The following SSBP3 variants were observed in gnomAD, a reference collection of about 807,000 sequenced individuals.
The protein encoded by SSBP3 is single-stranded DNA-binding protein 3.
Under a neutral mutation model 69.6 loss-of-function variants are expected in SSBP3, and 5 were observed. The observed-to-expected ratio is 0.07, with a 90% CI of 0.04 to 0.15. The LOEUF is 0.15. SSBP3 is among the 10% of genes least tolerant of loss of function. The pLI is 1.00. For missense variants in SSBP3, 312 were observed against 534.0 expected (o/e 0.58, Z 4.10); for synonymous variants, 196 against 193.4 (o/e 1.01, Z -0.11).
intron 4 of SSBP3, among the ~76,000 whole-genome samples, chr1:54,374,763 T>C (rs146668199): frequency 2.6e-4 from 40 of 152,170 alleles, no homozygotes; most frequent in African/African-American, 8.9e-4. Flanking sequence ...GAGTGTAAAA[T>C]GCAGACCCCA....
At chr1:54,307,214 C>T (rs536986511) in intron 4 of SSBP3, among the ~76,000 whole-genome samples, 1 of 152,106 alleles carries the variant, frequency 6.6e-6, no homozygotes, top group Non-Finnish European at 1.5e-5. Context: ...GCCACACCCC[C>T]ACTATGGTCA....
At position 54,332,935 on chromosome 1, in the gene SSBP3, C is replaced by T. The variant is rs554106638; in HGVS notation, c.277-51408G>A. 1.3e-3 allele frequency among the ~76,000 whole-genome samples: 194 copies of T among 152,072 alleles called. 3 individuals carry two copies. The highest frequency in any genetic ancestry group is 2.1e-3 in the South Asian group (10 of 4,828). ...ACATGCACGCACACACACGCGCGAG[C>T]ACACACACACGCGTGCGCCTCCTCC... is the stretch of plus-strand genomic sequence containing the variant. On this transcript the variant is annotated intron_variant, in intron 4 of 17. Coordinates refer to ENST00000610401, the Ensembl canonical transcript of SSBP3.
chr1:54,305,616 C>CT (rs1235739938), intron 4 of SSBP3, among the ~76,000 whole-genome samples: 1 of 123,702 alleles, frequency 8.1e-6, no homozygotes, highest in Non-Finnish European at 1.6e-5. Context: ...AGTTATTTTT[C>CT]TTTAAAAAAA....
chr1:54,402,229 G>C lies in SSBP3; in HGVS notation c.192-284C>G, dbSNP rs545944101. Among the ~76,000 whole-genome samples the C allele has an allele frequency of 2.0e-5, 3 of 152,292 alleles. No homozygotes were observed. In the East Asian group the frequency reaches 5.8e-4, roughly 29 times the overall value. On this transcript the variant is annotated intron_variant, in intron 3 of 17. Transcript: ENST00000610401. ...GTGTCTACCATATACTGTAAGGTAG[G>C]CAATTTTCTCTCCACTTTACACAGG...
intron 4 of SSBP3, among the ~76,000 whole-genome samples, chr1:54,392,315 C>T (rs558103009): frequency 3.3e-5 from 5 of 152,182 alleles, no homozygotes; most frequent in Non-Finnish European, 7.3e-5. Flanking sequence ...GTCTCTTGAC[C>T]CAAGTCACTT....
rs553312247 is a variant in SSBP3 at position 54,271,985 on chromosome 1, G to C, written c.366+9453C>G. On this transcript the variant is annotated intron_variant, in intron 5 of 17. Transcript: ENST00000610401. ...AGGTTTCACCATGTTGGTCAGGCTG[G>C]TCTCGAACTCCCGACCTCAGGTGAT... Among the ~76,000 whole-genome samples, 31 of 152,166 alleles carry C rather than the reference G, an allele frequency of 2.0e-4. 1 individual carries two copies. In the South Asian group the frequency reaches 4.2e-3, roughly 20 times the overall value.
chr1:54,243,266 A>G (rs757552779), exon 10 of SSBP3: 6 of 1,596,502 alleles, frequency 3.8e-6, no homozygotes, highest in Non-Finnish European at 5.1e-6. Context: ...GGGCCGAGGG[A>G]GTTGGGTGGT....
intron 4 of SSBP3, among the ~76,000 whole-genome samples, chr1:54,315,566 C>A (rs1489934946): frequency 6.6e-6 from 1 of 150,872 alleles, no homozygotes; most frequent in Non-Finnish European, 1.5e-5. Context: ...CTATTGCTAG[C>A]CTCAGTATAA....
intron 11 of SSBP3, 63 bp from the exon 12 acceptor site, chr1:54,241,572 T>G: frequency 1.3e-6 from 2 of 1,554,596 alleles, no homozygotes; most frequent in Non-Finnish European, 1.8e-6. Flanking sequence ...CTGCCAAACC[T>G]CCCTGAGGAC....
upstream of SSBP3, among the ~76,000 whole-genome samples, chr1:54,406,749 C>T (rs1649808058): frequency 6.6e-6 from 1 of 151,902 alleles, no homozygotes; most frequent in Non-Finnish European, 1.5e-5. Context: ...GCTAGGGGGG[C>T]GCTGCGGCAG....
rs1279400591 is a variant in SSBP3 at position 54,396,216 on chromosome 1, AAAAC to A, written c.276+5641_276+5644del. Among the ~76,000 whole-genome samples, 91 of 146,070 alleles carry A rather than the reference AAAAC, an allele frequency of 6.2e-4. 5 individuals carry two copies. Among genetic ancestry groups the A allele is most frequent in the Non-Finnish European group, 1.1e-3 (72 of 65,590 alleles). On this transcript the variant is annotated intron_variant, in intron 4 of 17. Transcript: ENST00000610401. ...CAGAAAAAAAAAAAAAAAAAAAAAA[AAAAC>A]AACCCCATTACCCCAGCGAATCAAA...
At chr1:54,238,890 G>A (rs2274663) in intron 14 of SSBP3, 77,239 of 400,500 alleles carry the variant, frequency 0.19, 8,454 homozygotes, top group East Asian at 0.39. Context: ...GCAGCACAGC[G>A]GGCACCCTGG....
intron 4 of SSBP3, among the ~76,000 whole-genome samples, chr1:54,314,945 A>G (rs1646069428): frequency 6.6e-6 from 1 of 152,126 alleles, no homozygotes; most frequent in Non-Finnish European, 1.5e-5. Context: ...AAATCCTAAG[A>G]ACAAAAGAAC....
chr1:54,278,611 C>T (rs1262413756), intron 5 of SSBP3, among the ~76,000 whole-genome samples: 1 of 152,210 alleles, frequency 6.6e-6, no homozygotes. Context: ...CTGCTCTCTC[C>T]CACCCAACCC....
chr1:54,397,897 G>A (rs557685179), intron 4 of SSBP3, among the ~76,000 whole-genome samples: 2 of 152,238 alleles, frequency 1.3e-5, no homozygotes, highest in South Asian at 2.1e-4. Context: ...TTCAGGTCTC[G>A]CCTCTGCCAG....
At chr1:54,312,052 A>G (rs1321977061) in intron 4 of SSBP3, among the ~76,000 whole-genome samples, 2 of 152,184 alleles carry the variant, frequency 1.3e-5, no homozygotes, top group African/African-American at 4.8e-5. Flanking sequence ...GCTCTGTAGT[A>G]TTTCAAAAGA....
At chr1:54,242,531 G>C (rs914854835) in intron 10 of SSBP3, among the ~76,000 whole-genome samples, 1 of 152,230 alleles carries the variant, frequency 6.6e-6, no homozygotes, top group African/African-American at 2.4e-5. Context: ...AAATGCACTA[G>C]AGAACAGTGG....
chr1:54,240,424 C>T (rs1419497769), intron 13 of SSBP3, among the ~76,000 whole-genome samples: 2 of 134,762 alleles, frequency 1.5e-5, no homozygotes, highest in Non-Finnish European at 3.1e-5. Context: ...CGCCATTGCA[C>T]TCCAGCCTGG....
intron 4 of SSBP3, among the ~76,000 whole-genome samples, chr1:54,369,926 T>C (rs1349242062): frequency 3.9e-5 from 6 of 152,156 alleles, no homozygotes; most frequent in Non-Finnish European, 5.9e-5. Context: ...CATGAAGCTT[T>C]GTGTGATATG....
Sources: gnomAD v4.1 joint callset for allele counts (sites outside exome capture counted in the v4.1 genomes callset) on GRCh38, gnomAD v4.1.1 for gene constraint, MANE v1.5 for transcripts, NCBI Gene and HGNC (gene_info 2026-07-23, HGNC 2026-07-21) for gene names.